Variants in ARHGEF11 observed in about 807,000 individuals in gnomAD.
ARHGEF11 encodes the protein Rho guanine nucleotide exchange factor 11.
Under a neutral mutation model 193.7 loss-of-function variants are expected in ARHGEF11, and 55 were observed. The ratio of observed to expected loss-of-function variants is 0.28; its 90% CI spans 0.23 to 0.36. The LOEUF (loss-of-function observed/expected upper bound fraction) is 0.36, where lower values mean the gene tolerates loss of function less well. Among genes scored for constraint, ARHGEF11 ranks in the 10% least tolerant of loss-of-function variants. The probability of loss-of-function intolerance (pLI) is 1.00; values close to 1 mark genes in which losing one functional copy is unlikely to be tolerated. For synonymous variants in ARHGEF11, 693 were observed against 768.0 expected (o/e 0.90, Z 1.62); for missense variants, 1,723 against 2,005.6 (o/e 0.86, Z 2.69).
intron 1 of ARHGEF11, among the ~76,000 whole-genome samples, chr1:157,043,856 A>G (rs919537142): frequency 3.3e-5 from 5 of 152,104 alleles, no homozygotes; most frequent in Admixed American, 6.5e-5. Context: ...AAGCCCCACC[A>G]TTCCATACCA....
intron 1 of ARHGEF11, among the ~76,000 whole-genome samples, chr1:157,023,536 C>G (rs1192416251): frequency 3.9e-5 from 6 of 152,120 alleles, no homozygotes; most frequent in Non-Finnish European, 7.3e-5. Flanking sequence ...GAGGCCAAGG[C>G]GGGCAGATCA....
chr1:156,936,779 C>G (rs370398930), intron 40 of ARHGEF11, 37 bp downstream of exon 40: 43 of 1,591,026 alleles, frequency 2.7e-5, no homozygotes, highest in Non-Finnish European at 3.6e-5. Flanking sequence ...ACTTCTCCCC[C>G]AATGGTAGGA....
intron 1 of ARHGEF11, among the ~76,000 whole-genome samples, chr1:157,004,546 C>T (rs919094351): frequency 1.3e-5 from 2 of 152,180 alleles, no homozygotes; most frequent in African/African-American, 2.4e-5. Flanking sequence ...CTCCCAACCC[C>T]CCTCACCAAA....
chr1:156,936,730 T>C, intron 40 of ARHGEF11, 86 bp downstream of exon 40: 1 of 1,429,728 alleles, frequency 7.0e-7, no homozygotes, highest in Non-Finnish European at 9.5e-7. Flanking sequence ...AGAACCACCA[T>C]CTCTCACTGC....
rs776840720 is a variant in ARHGEF11 at position 156,944,070 on chromosome 1, C to G, written c.3100G>C (p.Val1034Leu). 6.2e-7 allele frequency: 1 copy of G among 1,614,100 alleles called. No homozygotes were observed. The highest frequency in any genetic ancestry group is 8.5e-7 in the Non-Finnish European group (1 of 1,179,976). The change falls in exon 32 of 41, where the codon GTG (valine) becomes CTG (leucine). Residue 1034 changes from valine (V) to leucine (L), a missense_variant. Physicochemically the swap from Val to Leu is conservative, Grantham distance 32. Around this residue, in one of 5 missense-constraint regions of ARHGEF11, gnomAD observed 491 missense variants for 654.5 expected, o/e 0.75. Transcript: ENST00000368194. ...LHVLLLEDLLVLLQKQDEKLL... is the reference protein window; with the variant it reads ...LHVLLLEDLLLLLQKQDEKLL... The stretch of plus-strand genomic sequence containing the variant: ...TTCTCATCCTGTTTCTGTAGCAGCA[C>G]TAGGAGGTCCTCCAGCAGCAGCACG...
intron 3 of ARHGEF11, among the ~76,000 whole-genome samples, chr1:156,982,594 T>G (rs1048870762): frequency 6.6e-6 from 1 of 152,096 alleles, no homozygotes; most frequent in East Asian, 1.9e-4. Flanking sequence ...ACTCTAGAAC[T>G]CATATTCTCC....
intron 21 of ARHGEF11, among the ~76,000 whole-genome samples, chr1:156,953,554 GCATA>G (rs1441750546): frequency 2.6e-5 from 4 of 151,984 alleles, no homozygotes; most frequent in Admixed American, 6.6e-5. Flanking sequence ...GCTTAAAATG[GCATA>G]CAGTCTAGGA....
At chr1:157,008,406 G>GCACACACACACACACACA (rs60934928) in intron 1 of ARHGEF11, among the ~76,000 whole-genome samples, 1 of 149,120 alleles carries the variant, frequency 6.7e-6, no homozygotes, top group African/African-American at 2.5e-5. Context: ...TTGCACGCAC[G>GCACACACACACACACACA]CACACACACA....
chr1:157,011,607 G>A (rs1318380935), intron 1 of ARHGEF11, among the ~76,000 whole-genome samples: 1 of 152,036 alleles, frequency 6.6e-6, no homozygotes, highest in African/African-American at 2.4e-5. Context: ...CTTGTAACCA[G>A]AATATATAAA....
chr1:157,044,221 A>G, intron 1 of ARHGEF11, 78 bp downstream of exon 1: 3 of 1,399,452 alleles, frequency 2.1e-6, no homozygotes, highest in Admixed American at 1.7e-5. Flanking sequence ...ATTTTCAACC[A>G]TTTATTAAAA....
chr1:156,996,645 C>T (rs201461534), intron 1 of ARHGEF11, among the ~76,000 whole-genome samples: 25,041 of 150,920 alleles, frequency 0.17, 2,136 homozygotes, highest in East Asian at 0.33. Flanking sequence ...TGGTAGCGGG[C>T]GCCTGTAGTC....
At chr1:157,031,516 C>T (rs551104479) in intron 1 of ARHGEF11, among the ~76,000 whole-genome samples, 9 of 152,326 alleles carry the variant, frequency 5.9e-5, no homozygotes, top group African/African-American at 2.2e-4. Flanking sequence ...TGTCATGTAC[C>T]TACCACTATC....
rs71084208 is a variant in ARHGEF11, at chr1:157,013,263, T to TCACACACACACA, written c.33-27102_33-27091dup. Among the ~76,000 whole-genome samples the TCACACACACACA allele has an allele frequency of 7.9e-4, 111 of 140,804 alleles. 1 individual carries two copies. Among genetic ancestry groups the TCACACACACACA allele is most frequent in the African/African-American group, 2.7e-3 (99 of 36,728 alleles). 92.4% of individuals were successfully genotyped at this position (140,804 alleles called of 152,430 possible). On this transcript the variant is annotated intron_variant, in intron 1 of 40. Coordinates refer to ENST00000368194, the MANE Select transcript of ARHGEF11 (RefSeq NM_198236.3). ...ACTGCTCATAACTCCCCACTATCACTCACACACACACACACACACACACAC... is the reference window on the plus strand; with the variant it reads ...ACTGCTCATAACTCCCCACTATCACTCACACACACACACACACACACACACACACACACACAC...
intron 7 of ARHGEF11, 123 bp from the exon 8 acceptor site, chr1:156,971,939 G>C: frequency 8.3e-7 from 1 of 1,199,378 alleles, no homozygotes; most frequent in Non-Finnish European, 1.1e-6. Flanking sequence ...GAGAGAAGAG[G>C]TCTCTGCCTC....
chr1:156,936,412 A>C (rs1655128654), intron 40 of ARHGEF11, among the ~76,000 whole-genome samples: 1 of 146,708 alleles, frequency 6.8e-6, no homozygotes, highest in African/African-American at 2.6e-5. Context: ...TGGGTGGATC[A>C]CTTCGGCCCA....
chr1:156,942,659 A>G (rs745560827), intron 33 of ARHGEF11, 31 bp downstream of exon 33: 14 of 1,601,210 alleles, frequency 8.7e-6, no homozygotes, highest in Middle Eastern at 1.7e-4. Flanking sequence ...AAGGGACCAC[A>G]GTTACGGGTA....
chr1:157,039,445 T>G (rs1672466315), intron 1 of ARHGEF11, among the ~76,000 whole-genome samples: 1 of 152,236 alleles, frequency 6.6e-6, no homozygotes, highest in Admixed American at 6.5e-5. Context: ...TGTTGTGTTC[T>G]TTCCTCAGAA....
chr1:156,969,303 T>C lies in ARHGEF11; in HGVS notation c.804A>G (p.Glu268=). The C allele has an allele frequency of 6.2e-7, 1 of 1,606,256 alleles. No individual in the cohort carries two copies. The highest frequency in any genetic ancestry group is 8.5e-7 in the Non-Finnish European group (1 of 1,176,416). ...TCACCTCACTGAGGGAAGGAAAGCG[T>C]TCTGTCCCAGAGTCCAAGCCACTGT... ...EGDSGLDSGT[E]RFPSLSESLM... The change falls in exon 10 of 41, where the codon GAA becomes GAG. Residue 268 remains glutamate (E), a synonymous_variant. Coordinates refer to ENST00000368194, the MANE Select transcript of ARHGEF11 (RefSeq NM_198236.3).
At chr1:157,011,701 T>C (rs1668564281) in intron 1 of ARHGEF11, among the ~76,000 whole-genome samples, 1 of 152,094 alleles carries the variant, frequency 6.6e-6, no homozygotes, top group Admixed American at 6.5e-5. Context: ...AAAGAAGACA[T>C]ACAAATGGCC....
Sources: gnomAD v4.1 joint callset for allele counts (sites outside exome capture counted in the v4.1 genomes callset) on GRCh38, gnomAD v4.1.1 for gene constraint, gnomAD v4.1.1 regional missense constraint, MANE v1.5 for transcripts, NCBI Gene and HGNC (gene_info 2026-07-23, HGNC 2026-07-21) for gene names.